FRAS1: variants seen among roughly 807,000 people sequenced by gnomAD.
FRAS1 encodes the protein extracellular matrix organizing protein FRAS1.
Under a neutral mutation model 435.2 loss-of-function variants are expected in FRAS1, and 290 were observed. That is an observed-to-expected ratio of 0.67 (90% confidence interval 0.61 to 0.73). The LOEUF is 0.73. FRAS1 is among the 30% of genes least tolerant of loss of function. FRAS1 has a pLI of 0.00. For missense variants in FRAS1, 4,860 were observed against 5,001.5 expected, an observed-to-expected ratio of 0.97 and a Z score of 0.85; for synonymous variants, 1,800 against 1,851.0, an observed-to-expected ratio of 0.97 and a Z score of 0.71.
chr4:78,293,577 G>A (rs1728004989), intron 14 of FRAS1, among the ~76,000 whole-genome samples: 2 of 152,074 alleles, frequency 1.3e-5, no homozygotes, highest in Admixed American at 1.3e-4. Flanking sequence ...TTGGGAATGT[G>A]ACTTATAAAA....
At chr4:78,500,388 G>A (rs1301092065) in intron 61 of FRAS1, among the ~76,000 whole-genome samples, 1 of 152,300 alleles carries the variant, frequency 6.6e-6, no homozygotes, top group African/African-American at 2.4e-5. Flanking sequence ...ATATGGAGAT[G>A]AGTTTGGGAA....
chr4:78,438,769 A>C, intron 39 of FRAS1, 51 bp downstream of exon 39: 3 of 1,532,884 alleles, frequency 2.0e-6, no homozygotes, highest in Non-Finnish European at 2.7e-6. Flanking sequence ...CTTGTATGAA[A>C]ATATTTCAGC....
chr4:78,071,756 C>T (rs1455377073), intron 2 of FRAS1: 1 of 152,040 alleles, frequency 6.6e-6, no homozygotes, highest in Non-Finnish European at 1.5e-5. Context: ...TTTGAGTAGC[C>T]ACATATAGAT....
intron 33 of FRAS1, among the ~76,000 whole-genome samples, chr4:78,419,471 A>G (rs752825136): frequency 2.6e-5 from 4 of 152,188 alleles, no homozygotes; most frequent in Non-Finnish European, 4.4e-5. Flanking sequence ...TCTGCCAGGG[A>G]GCCCAAAGAG....
At chr4:78,457,510 G>A (rs746563757) in intron 47 of FRAS1, among the ~76,000 whole-genome samples, 7 of 152,156 alleles carry the variant, frequency 4.6e-5, no homozygotes, top group African/African-American at 7.2e-5. Context: ...CAACCCCTGT[G>A]TTGTTATTGT....
chr4:78,518,439 T>TATAC (rs1560423101), intron 66 of FRAS1, among the ~76,000 whole-genome samples: 70 of 121,432 alleles, frequency 5.8e-4, no homozygotes, highest in Non-Finnish European at 8.2e-4. Context: ...TATATATATA[T>TATAC]ATATATATAT....
At chr4:78,145,229 G>A (rs964255086) in intron 2 of FRAS1, among the ~76,000 whole-genome samples, 2 of 152,062 alleles carry the variant, frequency 1.3e-5, no homozygotes, top group African/African-American at 4.8e-5. Context: ...CAGGGCTTTC[G>A]AAGTGAGGAC....
At chr4:78,370,638 A>G (rs893672689) in intron 23 of FRAS1, among the ~76,000 whole-genome samples, 15 of 152,324 alleles carry the variant, frequency 9.8e-5, no homozygotes, top group African/African-American at 3.4e-4. Flanking sequence ...GCTACCTCCA[A>G]GCTTGATAAG....
At chr4:78,286,612 T>G (rs1188775503) in intron 14 of FRAS1, 73 bp downstream of exon 14, 1 of 1,512,622 alleles carries the variant, frequency 6.6e-7, no homozygotes, top group Non-Finnish European at 9.0e-7. Context: ...CCAAGTGATC[T>G]GGGGACACCA....
At chr4:78,196,711 AT>A (rs1338927128) in intron 2 of FRAS1, among the ~76,000 whole-genome samples, 1 of 152,140 alleles carries the variant, frequency 6.6e-6, no homozygotes, top group Non-Finnish European at 1.5e-5. Flanking sequence ...TCACTTTAAG[AT>A]TTCATATATT....
chr4:78,296,630 G>C (rs527607338), intron 14 of FRAS1, among the ~76,000 whole-genome samples: 65 of 152,312 alleles, frequency 4.3e-4, no homozygotes, highest in African/African-American at 1.3e-3. Context: ...GAACTGCTAA[G>C]TGTGAAGCCC....
At chr4:78,080,008 G>A (rs536062988) in intron 2 of FRAS1, among the ~76,000 whole-genome samples, 1 of 152,034 alleles carries the variant, frequency 6.6e-6, no homozygotes, top group Non-Finnish European at 1.5e-5. Flanking sequence ...CCTAATGAAC[G>A]CTGCTGGAGA....
chr4:78,256,753 C>T (rs1049466472), intron 6 of FRAS1, among the ~76,000 whole-genome samples: 1 of 152,064 alleles, frequency 6.6e-6, no homozygotes, highest in South Asian at 2.1e-4. Flanking sequence ...AATATGCAAG[C>T]AATTCTGAAG....
intron 1 of FRAS1, among the ~76,000 whole-genome samples, chr4:78,061,516 C>T (rs767724041): frequency 2.6e-5 from 4 of 152,164 alleles, no homozygotes; most frequent in South Asian, 2.1e-4. Context: ...TTCCCACAAA[C>T]GCTGAATCCC....
rs141946068 is a variant in FRAS1 at position 78,114,163 on chromosome 4, G to A, written c.108+48147G>A. Reference sequence around the variant, plus strand: ...TAGGTATGCGGCATTACTTCTGAGGGCTCTGTTCTGTTCCATTGGTCTATA... The same window carrying A: ...TAGGTATGCGGCATTACTTCTGAGGACTCTGTTCTGTTCCATTGGTCTATA... On this transcript the variant is annotated intron_variant, in intron 2 of 73. Coordinates refer to ENST00000512123, the MANE Select transcript of FRAS1 (RefSeq NM_025074.7). Among the ~76,000 whole-genome samples the A allele has an allele frequency of 9.7e-3, 1,482 of 152,234 alleles. 6 individuals are homozygous for A. The highest frequency in any genetic ancestry group is 0.017 in the Non-Finnish European group (1,167 of 68,014).
At chr4:78,370,080 T>A in intron 23 of FRAS1, 96 bp downstream of exon 23, 2 of 1,198,344 alleles carry the variant, frequency 1.7e-6, no homozygotes, top group Non-Finnish European at 2.4e-6. Context: ...ACACCAGTCA[T>A]CATATATTTT....
At chr4:78,496,494 G>C (rs1420745419) in intron 59 of FRAS1, among the ~76,000 whole-genome samples, 1 of 152,166 alleles carries the variant, frequency 6.6e-6, no homozygotes, top group Admixed American at 6.5e-5. Flanking sequence ...AAAAATGTGG[G>C]AAAGCACACA....
At chr4:78,058,621 A>T (rs1454542130) in intron 1 of FRAS1, among the ~76,000 whole-genome samples, 3 of 152,150 alleles carry the variant, frequency 2.0e-5, no homozygotes, top group Admixed American at 6.5e-5. Context: ...GTTCAGTTGC[A>T]CTGAAAGAAA....
chr4:78,537,280 G>C, intron 72 of FRAS1, 80 bp downstream of exon 72: 6 of 1,282,050 alleles, frequency 4.7e-6, no homozygotes, highest in Non-Finnish European at 6.5e-6. Flanking sequence ...GCCTAAAGTA[G>C]ATAGAGCTCA....
Sources: gnomAD v4.1 joint callset for allele counts (sites outside exome capture counted in the v4.1 genomes callset) on GRCh38, gnomAD v4.1.1 for gene constraint, MANE v1.5 for transcripts, NCBI Gene and HGNC (gene_info 2026-07-23, HGNC 2026-07-21) for gene names.